The following TRPC1 variants were observed in gnomAD, a reference collection of about 807,000 sequenced individuals.
TRPC1 encodes short transient receptor potential channel 1.
In TRPC1, 42 loss-of-function variants were observed where a neutral mutation model predicts 88.2. The observed-to-expected ratio is 0.48, with a 90% CI of 0.37 to 0.62. TRPC1 has a LOEUF of 0.62. Among genes scored for constraint, TRPC1 ranks in the 20% least tolerant of loss-of-function variants. The pLI, the probability that TRPC1 is intolerant of heterozygous loss-of-function variation, is 0.00. For missense variants in TRPC1, 699 were observed against 957.3 expected, an observed-to-expected ratio of 0.73 and a Z score of 3.56; for synonymous variants, 288 against 331.8, an observed-to-expected ratio of 0.87 and a Z score of 1.43.
intron 4 of TRPC1, among the ~76,000 whole-genome samples, chr3:142,772,702 G>A (rs9836232): frequency 0.03 from 4,528 of 152,208 alleles, 239 homozygotes; most frequent in African/African-American, 0.1. Context: ...CAGGAGAATC[G>A]CTTGAACCCA....
chr3:142,796,261 G>A (rs1203069410), intron 9 of TRPC1, among the ~76,000 whole-genome samples: 2 of 152,028 alleles, frequency 1.3e-5, no homozygotes, highest in African/African-American at 2.4e-5. Context: ...CGCCCCCCAG[G>A]TTGTATAATA....
In TRPC1 at chr3:142,724,674, G is replaced by C. The variant is rs942198628; in HGVS notation, c.115G>C (p.Glu39Gln). Residue 39 changes from glutamate (E) to glutamine (Q), a missense_variant, in exon 1 of 13, where the codon GAG becomes CAG. This residue lies in a region of TRPC1 where 157 missense variants were observed against 127.0 expected (regional missense o/e 1.24). Transcript: ENST00000476941. The surrounding 1 kb of genome is among the most constrained non-coding windows in gnomAD (Gnocchi z 5.6). The stretch of plus-strand genomic sequence containing the variant: ...GGTGATGGCGCTGAAGGATGTGCGG[G>C]AGGTGAAGGAGGAGAATACGCTGAA... Reference protein sequence around the residue: ...NEVMALKDVREVKEENTLNEK... With the variant: ...NEVMALKDVRQVKEENTLNEK... 2 of 1,611,270 alleles carry C rather than the reference G, an allele frequency of 1.2e-6. No individual in the cohort carries two copies. Among genetic ancestry groups the C allele is most frequent in the Admixed American group, 1.7e-5 (1 of 59,922 alleles).
At chr3:142,744,604 CGTA>C (rs1934474426) in intron 3 of TRPC1, among the ~76,000 whole-genome samples, 1 of 152,050 alleles carries the variant, frequency 6.6e-6, no homozygotes, top group Non-Finnish European at 1.5e-5. Context: ...AAAAATATAA[CGTA>C]GTAAGTGGAA....
intron 4 of TRPC1, among the ~76,000 whole-genome samples, chr3:142,760,570 T>C (rs918549005): frequency 1.3e-5 from 2 of 152,230 alleles, no homozygotes; most frequent in African/African-American, 4.8e-5. Context: ...TGGAGTCTTT[T>C]GTGGTTTCAT....
chr3:142,807,471 T>TATA lies in TRPC1; in HGVS notation c.*1239_*1241dup, dbSNP rs1936828393. On this transcript the variant is annotated 3_prime_UTR_variant, in exon 13 of 13. Transcript: ENST00000476941. ...TTTCCAGTTAAGAGGATATTAGGTA[T>TATA]ATAATTCTCTTCTTAACCGAATGTC... 6.6e-6 allele frequency: 1 copy of TATA among 152,224 alleles called. No homozygotes were observed. The allele number at this position is 152,224 out of a possible 1,614,324, so 9.4% of individuals were successfully genotyped here. A position where few individuals can be genotyped will look rare whatever the true frequency, so the allele number is the denominator to read the frequency against.
chr3:142,750,845 A>G (rs374388120), intron 4 of TRPC1, among the ~76,000 whole-genome samples: 2 of 152,220 alleles, frequency 1.3e-5, no homozygotes, highest in East Asian at 1.9e-4. Context: ...TGTCTCACTC[A>G]TAAGTGGGAG....
chr3:142,761,002 G>GT (rs1274837558), intron 4 of TRPC1, among the ~76,000 whole-genome samples: 2 of 151,868 alleles, frequency 1.3e-5, no homozygotes, highest in African/African-American at 4.8e-5. Context: ...AGTATTTAGG[G>GT]TTTTTTTGAT....
In TRPC1 at chr3:142,784,686, T is replaced by C. The variant is rs375875487; in HGVS notation, c.961-18T>C. ...TTTTACTTTTTTTCTTTTTAATGTG[T>C]GTGTATGTCCTTTTCAGTTTGTCTC... is the stretch of plus-strand genomic sequence containing the variant. On this transcript the variant is annotated intron_variant, in intron 6 of 12. Transcript: ENST00000476941. 12 of 1,574,878 alleles carry C rather than the reference T, an allele frequency of 7.6e-6. No individual in the cohort carries two copies. The highest frequency in any genetic ancestry group is 1.0e-5 in the Non-Finnish European group (12 of 1,161,220).
At chr3:142,747,342 CAA>C (rs11342744) in intron 3 of TRPC1, among the ~76,000 whole-genome samples, 7 of 150,898 alleles carry the variant, frequency 4.6e-5, no homozygotes, top group African/African-American at 1.7e-4. Context: ...TATAATATTG[CAA>C]AAAAAAAGTA....
At position 142,751,152 on chromosome 3, in the gene TRPC1, C is replaced by T. The variant is rs1479779917; in HGVS notation, c.632+2692C>T. Among the ~76,000 whole-genome samples the T allele has an allele frequency of 9.2e-5, 14 of 151,976 alleles. 1 individual carries two copies. The highest frequency in any genetic ancestry group is 9.2e-4 in the Admixed American group (14 of 15,252). On this transcript the variant is annotated intron_variant, in intron 4 of 12. Coordinates refer to ENST00000476941, the MANE Select transcript of TRPC1 (RefSeq NM_001251845.2). ...CTTTAAAAATATACATTTAGGGTAGCCTAAGTGTATAGTTATTATAAAGCC... is the reference window on the plus strand; with the variant it reads ...CTTTAAAAATATACATTTAGGGTAGTCTAAGTGTATAGTTATTATAAAGCC...
At chr3:142,750,488 A>G (rs1351837898) in intron 4 of TRPC1, among the ~76,000 whole-genome samples, 1 of 152,234 alleles carries the variant, frequency 6.6e-6, no homozygotes, top group Non-Finnish European at 1.5e-5. Flanking sequence ...TAGTTCAACC[A>G]TTGTGGAAGA....
chr3:142,793,119 T>G (rs1936342643), intron 9 of TRPC1, 152 bp downstream of exon 9: 2 of 678,934 alleles, frequency 2.9e-6, no homozygotes. Flanking sequence ...AGCATGTTTA[T>G]CTACTTTGCT....
intron 4 of TRPC1, among the ~76,000 whole-genome samples, chr3:142,772,619 A>C (rs1273888355): frequency 1.3e-5 from 2 of 151,982 alleles, no homozygotes; most frequent in East Asian, 3.9e-4. Flanking sequence ...AATATGGTGA[A>C]ACTAAAAATA....
chr3:142,761,506 A>G (rs1935183363), intron 4 of TRPC1, among the ~76,000 whole-genome samples: 1 of 152,170 alleles, frequency 6.6e-6, no homozygotes, highest in African/African-American at 2.4e-5. Context: ...TTATATCAAT[A>G]TATCAAAGTG....
chr3:142,804,278 A>T, intron 11 of TRPC1, 100 bp downstream of exon 11: 1 of 1,213,082 alleles, frequency 8.2e-7, no homozygotes, highest in Non-Finnish European at 1.1e-6. Flanking sequence ...AAGAATTGAA[A>T]AATAGTATTT....
chr3:142,765,246 C>T (rs1935340484), intron 4 of TRPC1, among the ~76,000 whole-genome samples: 2 of 152,118 alleles, frequency 1.3e-5, no homozygotes, highest in Admixed American at 1.3e-4. Context: ...GGCCATACTA[C>T]CCAAAGCAAT....
At chr3:142,740,002 A>G (rs1934287218) in intron 2 of TRPC1, among the ~76,000 whole-genome samples, 1 of 152,168 alleles carries the variant, frequency 6.6e-6, no homozygotes, top group Non-Finnish European at 1.5e-5. Flanking sequence ...ATGGTATTAG[A>G]TCCTCATAGG....
intron 9 of TRPC1, among the ~76,000 whole-genome samples, chr3:142,797,834 T>C (rs757976241): frequency 2.5e-4 from 38 of 152,212 alleles, no homozygotes; most frequent in Middle Eastern, 3.4e-3. Context: ...ATAAGAAAAC[T>C]TGGAAAGCTT....
intron 3 of TRPC1, among the ~76,000 whole-genome samples, chr3:142,746,165 C>T (rs531993659): frequency 1.3e-5 from 2 of 152,202 alleles, no homozygotes; most frequent in East Asian, 1.9e-4. Context: ...TTTCTTTTAG[C>T]GTTTCAGTAA....
Sources: allele counts gnomAD v4.1 joint callset (sites outside exome capture counted in the v4.1 genomes callset), GRCh38; gene constraint gnomAD v4.1.1; regional missense constraint gnomAD v4.1.1; non-coding constraint Gnocchi (gnomAD v3.1); transcripts MANE v1.5; gene names NCBI Gene and HGNC (gene_info 2026-07-23, HGNC 2026-07-21).